Variants in MDFIC2 observed in about 807,000 individuals in gnomAD.
MDFIC2 encodes MyoD family inhibitor domain containing 2.
At chr3:70,259,817 G>T (rs550921735) in intron 2 of MDFIC2, among the ~76,000 whole-genome samples, 2 of 152,230 alleles carry the variant, frequency 1.3e-5, no homozygotes, top group South Asian at 4.1e-4. Flanking sequence ...AGGTTTGATT[G>T]ACTCACAGTT....
At chr3:70,279,645 C>T (rs182222006) in intron 2 of MDFIC2, among the ~76,000 whole-genome samples, 2 of 152,146 alleles carry the variant, frequency 1.3e-5, no homozygotes, top group South Asian at 4.1e-4. Flanking sequence ...CATGCTGAGT[C>T]CTATTTGCAT....
intron 2 of MDFIC2, among the ~76,000 whole-genome samples, chr3:70,244,973 T>C (rs1701693115): frequency 6.6e-6 from 1 of 152,168 alleles, no homozygotes; most frequent in African/African-American, 2.4e-5. Flanking sequence ...TCATACTACT[T>C]ATCTGGTGCT....
At chr3:70,231,444 A>T (rs1376358461) in intron 2 of MDFIC2, among the ~76,000 whole-genome samples, 1 of 152,194 alleles carries the variant, frequency 6.6e-6, no homozygotes, top group Non-Finnish European at 1.5e-5. Flanking sequence ...CCTGAGTGAA[A>T]GCTCTAAAAG....
chr3:70,264,573 A>G (rs1176683282), intron 2 of MDFIC2, among the ~76,000 whole-genome samples: 3 of 152,232 alleles, frequency 2.0e-5, no homozygotes, highest in African/African-American at 7.2e-5. Context: ...GGTGAGTCAA[A>G]CAGTTGCTGG....
intron 2 of MDFIC2, among the ~76,000 whole-genome samples, chr3:70,290,571 G>C (rs576044006): frequency 6.6e-6 from 1 of 152,358 alleles, no homozygotes; most frequent in Non-Finnish European, 1.5e-5. Context: ...GCCTCCTTGA[G>C]CTGTGGTGGG....
intron 2 of MDFIC2, among the ~76,000 whole-genome samples, chr3:70,207,820 C>T (rs1701306362): frequency 6.6e-6 from 1 of 152,090 alleles, no homozygotes; most frequent in African/African-American, 2.4e-5. Context: ...ACCTGAGCAT[C>T]TGAAAATTTC....
chr3:70,217,591 G>A (rs1701427361), intron 2 of MDFIC2, among the ~76,000 whole-genome samples: 1 of 152,018 alleles, frequency 6.6e-6, no homozygotes, highest in Non-Finnish European at 1.5e-5. Context: ...TCCTAGAGCT[G>A]AAAAAACAGT....
In MDFIC2 at chr3:70,252,454, T is replaced by C. The variant is rs1253502788; in HGVS notation, c.89-45664A>G. Among the ~76,000 whole-genome samples, 3 of 152,164 alleles carry C rather than the reference T, an allele frequency of 2.0e-5. No homozygotes were observed. In the East Asian group the frequency reaches 5.8e-4, roughly 29 times the overall value. On this transcript the variant is annotated intron_variant, in intron 2 of 3. Coordinates refer to ENST00000567252, the MANE Select transcript of MDFIC2 (RefSeq NM_001364677.1). ...TGTGGTAATAACTGTCGATGGATTA[T>C]GGAGTCAAGTGGTTCAATTAAGATG...
At chr3:70,237,977 A>ATATTTTTTTTTTTTT (rs1251005797) in intron 2 of MDFIC2, among the ~76,000 whole-genome samples, 1 of 13,008 alleles carries the variant, frequency 7.7e-5, no homozygotes, top group African/African-American at 4.9e-4. Flanking sequence ...ATTGAGTGGT[A>ATATTTTTTTTTTTTT]TCTTTTTTTT....
chr3:70,234,862 T>A (rs980753351), intron 2 of MDFIC2, among the ~76,000 whole-genome samples: 2 of 152,210 alleles, frequency 1.3e-5, no homozygotes, highest in Non-Finnish European at 2.9e-5. Flanking sequence ...TTCTTCTCAC[T>A]TATTCAAATC....
At chr3:70,288,794 A>T (rs1053191922) in intron 2 of MDFIC2, among the ~76,000 whole-genome samples, 26 of 151,582 alleles carry the variant, frequency 1.7e-4, no homozygotes, top group Non-Finnish European at 2.8e-4. Flanking sequence ...TGTTGAATTG[A>T]TCCCTTTACC....
Position 70,196,956 on chromosome 3 carries a change from G to T in MDFIC2, c.540C>A (p.Ala180=). 1 of 398,524 alleles carries T rather than the reference G, an allele frequency of 2.5e-6. No individual in the cohort carries two copies. Among genetic ancestry groups the T allele is most frequent in the Non-Finnish European group, 4.4e-6 (1 of 226,012 alleles). 24.7% of individuals were successfully genotyped at this position (398,524 alleles called of 1,614,324 possible). A position where few individuals can be genotyped will look rare whatever the true frequency, so the allele number is the denominator to read the frequency against. ...GGTAACAGATTTCTGAAATCTCCAT[G>T]GCCAGTTCCAGACACTCGCTGGTCT... The part of the protein sequence containing the change: ...CHETSECLEL[A]MEISEICYR The change falls in exon 4 of 4, where the codon GCC becomes GCA. Residue 180 remains alanine (A), a synonymous_variant. Transcript: ENST00000567252.
At chr3:70,288,209 TC>T (rs1702188799) in intron 2 of MDFIC2, among the ~76,000 whole-genome samples, 2 of 138,448 alleles carry the variant, frequency 1.4e-5, no homozygotes, top group Non-Finnish European at 3.1e-5. Flanking sequence ...GCTATAAATT[TC>T]CCTCTACACA....
In MDFIC2 at chr3:70,224,135, G is replaced by A. The variant is rs138462238; in HGVS notation, c.89-17345C>T. 9.4e-3 allele frequency among the ~76,000 whole-genome samples: 1,430 copies of A among 152,106 alleles called. 20 individuals carry two copies. Among genetic ancestry groups the A allele is most frequent in the African/African-American group, 0.033 (1,349 of 41,494 alleles). Reference sequence around the variant, plus strand: ...GTATCTTTATCACTAACAAGCAGAGGGAAAATAATTGAATGTGGATGAAAC... The same window carrying A: ...GTATCTTTATCACTAACAAGCAGAGAGAAAATAATTGAATGTGGATGAAAC... On this transcript the variant is annotated intron_variant, in intron 2 of 3. Transcript: ENST00000567252.
intron 3 of MDFIC2, among the ~76,000 whole-genome samples, chr3:70,202,193 T>C (rs993436097): frequency 1.7e-4 from 26 of 152,062 alleles, no homozygotes; most frequent in Admixed American, 1.2e-3. Flanking sequence ...AGTAGTCTAT[T>C]TGATAACAGT....
intron 2 of MDFIC2, among the ~76,000 whole-genome samples, chr3:70,283,451 G>T (rs1653534956): frequency 6.6e-6 from 1 of 152,022 alleles, no homozygotes; most frequent in South Asian, 2.1e-4. Context: ...AAAGAGCAAG[G>T]GCCTTGAAGA....
At chr3:70,246,991 A>G (rs1047742283) in intron 2 of MDFIC2, among the ~76,000 whole-genome samples, 6 of 152,182 alleles carry the variant, frequency 3.9e-5, no homozygotes, top group South Asian at 4.1e-4. Flanking sequence ...AGGGCATATC[A>G]TAATAATCAG....
chr3:70,196,857 T>C lies in MDFIC2; in HGVS notation c.*69A>G. On this transcript the variant is annotated 3_prime_UTR_variant, in exon 4 of 4. Transcript: ENST00000567252. The stretch of plus-strand genomic sequence containing the variant: ...GTCCTTACATTTCAGCACATGGAAA[T>C]CAGTCTTGTTGTAATGGAATTTCCC... 2.5e-6 allele frequency: 1 copy of C among 398,002 alleles called. No individual in the cohort carries two copies. 24.7% of individuals were successfully genotyped at this position (398,002 alleles called of 1,614,324 possible).
At chr3:70,236,859 G>C (rs1049550351) in intron 2 of MDFIC2, among the ~76,000 whole-genome samples, 3 of 152,112 alleles carry the variant, frequency 2.0e-5, no homozygotes, top group Non-Finnish European at 4.4e-5. Context: ...AGCCTCCCAA[G>C]GTGTTAGGAT....
Sources: allele counts gnomAD v4.1 joint callset (sites outside exome capture counted in the v4.1 genomes callset), GRCh38; gene constraint gnomAD v4.1.1; transcripts MANE v1.5; gene names NCBI Gene and HGNC (gene_info 2026-07-23, HGNC 2026-07-21).